SMYD2: variants seen among roughly 807,000 people sequenced by gnomAD.
The protein encoded by SMYD2 is SET and MYND domain containing 2, also known as N-lysine methyltransferase SMYD2.
Under a neutral mutation model 59.1 loss-of-function variants are expected in SMYD2, and 53 were observed. The observed-to-expected ratio is 0.90, with a 90% CI of 0.72 to 1.13. The LOEUF is 1.13. Among genes scored for constraint, SMYD2 ranks in the 50% most tolerant of loss-of-function variants. SMYD2 has a pLI of 0.00. For synonymous variants in SMYD2, 208 were observed against 198.8 expected (o/e 1.05, Z -0.39); for missense variants, 494 against 544.7 (o/e 0.91, Z 0.93).
intron 8 of SMYD2, among the ~76,000 whole-genome samples, chr1:214,330,547 G>C (rs1657336111): frequency 6.6e-6 from 1 of 152,204 alleles, no homozygotes; most frequent in South Asian, 2.1e-4. Context: ...CTGCTCAAAG[G>C]AGGAGGGGGG....
chr1:214,306,900 G>T (rs1248873843), intron 2 of SMYD2, among the ~76,000 whole-genome samples: 1 of 152,224 alleles, frequency 6.6e-6, no homozygotes, highest in East Asian at 1.9e-4. Flanking sequence ...GCTGGGCGCG[G>T]TGGCTCATGC....
rs531707720 is a variant in SMYD2 at position 214,315,852 on chromosome 1, G to A, written c.348+980G>A. Among the ~76,000 whole-genome samples, 11 of 152,268 alleles carry A rather than the reference G, an allele frequency of 7.2e-5. No individual in the cohort carries two copies. In the South Asian group the frequency reaches 2.3e-3, roughly 32 times the overall value. On this transcript the variant is annotated intron_variant, in intron 3 of 11. Coordinates refer to ENST00000366957, the MANE Select transcript of SMYD2 (RefSeq NM_020197.3). Reference sequence around the variant, plus strand: ...ATTTAAGGTAGCCATAGACAAAGTAGAAATCTTAGAAGCATTCCCAGAGCA... The same window carrying A: ...ATTTAAGGTAGCCATAGACAAAGTAAAAATCTTAGAAGCATTCCCAGAGCA...
At chr1:214,316,307 T>TA (rs369060841) in intron 3 of SMYD2, among the ~76,000 whole-genome samples, 6 of 152,128 alleles carry the variant, frequency 3.9e-5, no homozygotes, top group African/African-American at 1.4e-4. Flanking sequence ...CCATTCTCTA[T>TA]AATAAATTTT....
At position 214,326,237 on chromosome 1, in the gene SMYD2, CAA is replaced by C. The variant is rs35269144; in HGVS notation, c.603-1367_603-1366del. 3.9e-3 allele frequency among the ~76,000 whole-genome samples: 358 copies of C among 90,718 alleles called. 5 individuals are homozygous for C. Among genetic ancestry groups the C allele is most frequent in the African/African-American group, 0.012 (275 of 23,194 alleles). The allele number at this position is 90,718 out of a possible 152,430, so 59.5% of individuals were successfully genotyped here. ...TGGACAACAAACCGAGACTCCATCT[CAA>C]AAAAAAAAAAAAAAAAAGAGTGAGG... On this transcript the variant is annotated intron_variant, in intron 6 of 11. Coordinates refer to ENST00000366957, the MANE Select transcript of SMYD2 (RefSeq NM_020197.3).
intron 2 of SMYD2, among the ~76,000 whole-genome samples, chr1:214,309,874 C>T (rs1048787684): frequency 6.6e-6 from 1 of 152,158 alleles, no homozygotes; most frequent in Non-Finnish European, 1.5e-5. Context: ...CTCAGCAGCA[C>T]GGGCCATCTT....
At chr1:214,293,437 T>C (rs1656670916) in intron 1 of SMYD2, among the ~76,000 whole-genome samples, 1 of 152,218 alleles carries the variant, frequency 6.6e-6, no homozygotes, top group Non-Finnish European at 1.5e-5. Flanking sequence ...AATAATTTAA[T>C]ATTTACATTT....
At chr1:214,319,758 C>T in intron 5 of SMYD2, among the ~76,000 whole-genome samples, 1 of 152,130 alleles carries the variant, frequency 6.6e-6, no homozygotes, top group South Asian at 2.1e-4. Flanking sequence ...CTTTGCGATG[C>T]CCTCTACAAA....
rs1656843405 is a variant in SMYD2, at chr1:214,302,545, CCTT to C, written c.174-2638_174-2636del. On this transcript the variant is annotated intron_variant, in intron 1 of 11. Transcript: ENST00000366957. ...CTCCGGGACCCCAGCAGTCTGTAGA[CCTT>C]CTTGAGAATCACTGAGATAGGTAGT... Among the ~76,000 whole-genome samples, 10 of 152,184 alleles carry C rather than the reference CCTT, an allele frequency of 6.6e-5. No homozygotes were observed. The South Asian group carries it at 1.2e-3, about 19-fold the overall frequency.
chr1:214,324,696 C>T lies in SMYD2; in HGVS notation c.590C>T (p.Ala197Val), dbSNP rs1242130183. 26 of 1,612,420 alleles carry T rather than the reference C, an allele frequency of 1.6e-5. No homozygotes were observed. Among genetic ancestry groups the T allele is most frequent in the Middle Eastern group, 1.6e-4 (1 of 6,082 alleles). Reference protein sequence around the residue: ...EDEELSHLGSAIFPDVALMNH... With the variant: ...EDEELSHLGSVIFPDVALMNH... Reference sequence around the variant, plus strand: ...GAAGAACTTTCTCATTTGGGATCAGCGATATTTCCTGAGTAGGCTGTGTTT... The same window carrying T: ...GAAGAACTTTCTCATTTGGGATCAGTGATATTTCCTGAGTAGGCTGTGTTT... The change falls in exon 6 of 12, where the codon GCG becomes GTG. Residue 197 changes from alanine (A) to valine (V), a missense_variant. Ala to Val is a moderately conservative substitution (Grantham distance 64). Transcript: ENST00000366957.
At chr1:214,324,905 C>G (rs1657237894) in intron 6 of SMYD2, among the ~76,000 whole-genome samples, 197 bp downstream of exon 6, 1 of 152,154 alleles carries the variant, frequency 6.6e-6, no homozygotes, top group Non-Finnish European at 1.5e-5. Flanking sequence ...GTTAAGAGAA[C>G]AGTTGCTTGT....
In SMYD2 at chr1:214,318,075, C is replaced by G. The variant is rs199853924; in HGVS notation, c.349-4C>G. On this transcript the variant is annotated splice_polypyrimidine_tract_variant and splice_region_variant and intron_variant, in intron 3 of 11. Transcript: ENST00000366957. The surrounding 1 kb of genome is among the most constrained non-coding windows in gnomAD (Gnocchi z 5.4). Reference sequence around the variant, plus strand: ...ATCTGTGTGATTTCTTCCCCAATTGCTAGAAAATCCACCCAGAGAGAACAC... The same window carrying G: ...ATCTGTGTGATTTCTTCCCCAATTGGTAGAAAATCCACCCAGAGAGAACAC... The G allele has an allele frequency of 3.7e-6, 6 of 1,613,124 alleles. No individual in the cohort carries two copies. The highest frequency in any genetic ancestry group is 2.7e-5 in the African/African-American group (2 of 74,980).
rs1408938808 is a variant in SMYD2, at chr1:214,290,932, T to C, written c.173+9505T>C. Among the ~76,000 whole-genome samples, 6 of 152,320 alleles carry C rather than the reference T, an allele frequency of 3.9e-5. No individual in the cohort carries two copies. The East Asian group carries it at 1.2e-3, about 29-fold the overall frequency. On this transcript the variant is annotated intron_variant, in intron 1 of 11. Coordinates refer to ENST00000366957, the MANE Select transcript of SMYD2 (RefSeq NM_020197.3). ...GTTTGGATAGGAAACATTTGCTCATTTGCCACCTGAAAAATCTCTTCTCTG... is the reference window on the plus strand; with the variant it reads ...GTTTGGATAGGAAACATTTGCTCATCTGCCACCTGAAAAATCTCTTCTCTG...
intron 1 of SMYD2, among the ~76,000 whole-genome samples, chr1:214,284,423 G>A (rs1327201660): frequency 2.6e-5 from 4 of 151,406 alleles, no homozygotes; most frequent in Non-Finnish European, 5.9e-5. Context: ...ACCACACCTG[G>A]CTAATTTTGT....
At chr1:214,296,144 C>T (rs1656722294) in intron 1 of SMYD2, among the ~76,000 whole-genome samples, 1 of 152,228 alleles carries the variant, frequency 6.6e-6, no homozygotes, top group African/African-American at 2.4e-5. Context: ...AAGTAGGGAG[C>T]TTACAGAATC....
At chr1:214,290,130 C>T (rs2102454013) in intron 1 of SMYD2, among the ~76,000 whole-genome samples, 1 of 152,242 alleles carries the variant, frequency 6.6e-6, no homozygotes, top group Admixed American at 6.5e-5. Context: ...GGCGTTCACA[C>T]CAACACAATA....
intron 2 of SMYD2, among the ~76,000 whole-genome samples, chr1:214,305,481 GAT>G (rs1656901886): frequency 1.3e-5 from 2 of 152,250 alleles, no homozygotes; most frequent in African/African-American, 4.8e-5. Context: ...GACCATGTTA[GAT>G]ACAGGCAGGT....
chr1:214,315,526 G>A (rs1571928758), intron 3 of SMYD2, among the ~76,000 whole-genome samples: 1 of 152,348 alleles, frequency 6.6e-6, no homozygotes, highest in African/African-American at 2.4e-5. Context: ...TGACTATTCT[G>A]TGGTGGGCAG....
At chr1:214,281,453 G>GCC in intron 1 of SMYD2, 26 bp downstream of exon 1, 1 of 1,376,500 alleles carries the variant, frequency 7.3e-7, no homozygotes, top group Admixed American at 3.0e-5. Context: ...CGGCGGCGGC[G>GCC]GGCGGGAGCC....
At chr1:214,294,441 G>A (rs971670592) in intron 1 of SMYD2, among the ~76,000 whole-genome samples, 17 of 152,220 alleles carry the variant, frequency 1.1e-4, no homozygotes, top group African/African-American at 3.6e-4. Flanking sequence ...GCCAAGACGG[G>A]CGGATGGCTT....
Sources: allele counts gnomAD v4.1 joint callset (sites outside exome capture counted in the v4.1 genomes callset), GRCh38; gene constraint gnomAD v4.1.1; non-coding constraint Gnocchi (gnomAD v3.1); transcripts MANE v1.5; gene names NCBI Gene and HGNC (gene_info 2026-07-23, HGNC 2026-07-21).